UNC5C: variants seen among roughly 807,000 people sequenced by gnomAD.
UNC5C encodes unc-5 netrin receptor C, also known as netrin receptor UNC5C.
Under a neutral mutation model 99.8 loss-of-function variants are expected in UNC5C, and 47 were observed. The observed-to-expected ratio is 0.47, with a 90% CI of 0.37 to 0.60. The LOEUF (loss-of-function observed/expected upper bound fraction) is 0.60. Ranked by LOEUF, UNC5C falls within the 20% of genes least tolerant of loss-of-function variation. The probability of loss-of-function intolerance (pLI) is 0.00; values close to 1 mark genes in which losing one functional copy is unlikely to be tolerated. For synonymous variants in UNC5C, 487 were observed against 452.2 expected, an observed-to-expected ratio of 1.08 and a Z score of -0.98; for missense variants, 1,062 against 1,165.9, an observed-to-expected ratio of 0.91 and a Z score of 1.30.
chr4:95,308,838 T>G (rs1278831581), intron 2 of UNC5C, among the ~76,000 whole-genome samples: 1 of 150,844 alleles, frequency 6.6e-6, no homozygotes, highest in African/African-American at 2.4e-5. Flanking sequence ...AAACTAATAT[T>G]GTTAAAATGT....
chr4:95,307,664 CAAGAA>C (rs1489927510), intron 2 of UNC5C, among the ~76,000 whole-genome samples: 1 of 152,094 alleles, frequency 6.6e-6, no homozygotes, highest in East Asian at 1.9e-4. Flanking sequence ...GAGGACACTA[CAAGAA>C]AAGAAAAGTA....
chr4:95,177,104 C>T (rs1001472341), intron 14 of UNC5C, among the ~76,000 whole-genome samples: 36 of 152,294 alleles, frequency 2.4e-4, no homozygotes, highest in African/African-American at 3.8e-4. Flanking sequence ...CTTCGGCTCA[C>T]GCACGGTGCG....
At chr4:95,320,256 T>C (rs1167532501) in intron 2 of UNC5C, among the ~76,000 whole-genome samples, 1 of 151,854 alleles carries the variant, frequency 6.6e-6, no homozygotes, top group Non-Finnish European at 1.5e-5. Flanking sequence ...ACCTCGTCTC[T>C]ACTAAAAATA....
chr4:95,175,948 T>C lies in UNC5C; in HGVS notation c.2452-5616A>G, dbSNP rs539724785. ...CTTGGAGGCTTTGCTCATTTCTTTT[T>C]ATTCTTTTTTCTCTAAACTTCCTTC... On this transcript the variant is annotated intron_variant, in intron 14 of 15. Coordinates refer to ENST00000453304, the MANE Select transcript of UNC5C (RefSeq NM_003728.4). Among the ~76,000 whole-genome samples, 683 of 151,854 alleles carry C rather than the reference T, an allele frequency of 4.5e-3. 3 individuals are homozygous for C. Among genetic ancestry groups the C allele is most frequent in the Middle Eastern group, 6.8e-3 (2 of 294 alleles).
rs115519493 is a variant in UNC5C at position 95,262,523 on chromosome 4, G to C, written c.595-11856C>G. Among the ~76,000 whole-genome samples, 387 of 152,192 alleles carry C rather than the reference G, an allele frequency of 2.5e-3. 3 individuals carry two copies. Among genetic ancestry groups the C allele is most frequent in the African/African-American group, 8.9e-3 (369 of 41,550 alleles). The stretch of plus-strand genomic sequence containing the variant: ...TGAGCTACCTAGACAGGCGAGCAGG[G>C]ATGAAAACCTCATTTCTCCTATTAA... On this transcript the variant is annotated intron_variant, in intron 4 of 15. Coordinates refer to ENST00000453304, the MANE Select transcript of UNC5C (RefSeq NM_003728.4).
At chr4:95,437,644 A>T (rs1746831772) in intron 1 of UNC5C, among the ~76,000 whole-genome samples, 1 of 152,052 alleles carries the variant, frequency 6.6e-6, no homozygotes, top group Non-Finnish European at 1.5e-5. Context: ...TTTTGTAGGT[A>T]CCTACTACAA....
At chr4:95,202,415 A>G (rs553935227) in intron 12 of UNC5C, among the ~76,000 whole-genome samples, 2 of 152,356 alleles carry the variant, frequency 1.3e-5, no homozygotes, top group African/African-American at 4.8e-5. Context: ...TTATAGGAAG[A>G]ACGCAGCTGA....
chr4:95,201,149 G>A lies in UNC5C; in HGVS notation c.2136+1582C>T, dbSNP rs148939009. Among the ~76,000 whole-genome samples the A allele has an allele frequency of 2.5e-3, 380 of 152,228 alleles. 2 individuals are homozygous for A. Among genetic ancestry groups the A allele is most frequent in the African/African-American group, 8.6e-3 (357 of 41,528 alleles). ...TGGAACTGTGAGAAATAAGTTTGTT[G>A]TTTATGCCACCCAGTCCGTGGTACT... On this transcript the variant is annotated intron_variant, in intron 12 of 15. Coordinates refer to ENST00000453304, the MANE Select transcript of UNC5C (RefSeq NM_003728.4).
chr4:95,232,938 C>T (rs1175633654), intron 7 of UNC5C, among the ~76,000 whole-genome samples: 4 of 152,214 alleles, frequency 2.6e-5, no homozygotes, highest in South Asian at 2.1e-4. Flanking sequence ...CACAATTATG[C>T]TTTCCTATCA....
At chr4:95,196,763 A>T (rs574216238) in intron 12 of UNC5C, among the ~76,000 whole-genome samples, 11 of 23,722 alleles carry the variant, frequency 4.6e-4, no homozygotes, top group Admixed American at 9.4e-4. Context: ...TAATATATAT[A>T]TTATATTTAT....
intron 2 of UNC5C, among the ~76,000 whole-genome samples, chr4:95,310,857 C>T (rs555637603): frequency 4.6e-5 from 7 of 152,156 alleles, no homozygotes; most frequent in East Asian, 1.9e-4. Context: ...TATAGATCAA[C>T]GCACGGTTTT....
chr4:95,500,423 A>G (rs1001851733), intron 1 of UNC5C, among the ~76,000 whole-genome samples: 10 of 152,088 alleles, frequency 6.6e-5, no homozygotes, highest in African/African-American at 1.7e-4. Context: ...TCTAAAAAAA[A>G]CAAGCTAGTT....
At chr4:95,292,202 T>C (rs1448862047) in intron 3 of UNC5C, among the ~76,000 whole-genome samples, 2 of 111,654 alleles carry the variant, frequency 1.8e-5, no homozygotes, top group African/African-American at 6.6e-5. Context: ...TATACACATA[T>C]ATATACATAT....
chr4:95,352,658 C>T (rs866530249), intron 1 of UNC5C, among the ~76,000 whole-genome samples: 3 of 152,272 alleles, frequency 2.0e-5, no homozygotes, highest in African/African-American at 7.2e-5. Context: ...CCAATCCAGA[C>T]TACAAGATCG....
intron 1 of UNC5C, among the ~76,000 whole-genome samples, chr4:95,366,741 G>T (rs1194261484): frequency 6.6e-6 from 1 of 152,106 alleles, no homozygotes; most frequent in Non-Finnish European, 1.5e-5. Context: ...CCTAACTTTG[G>T]TTTTGTTTCT....
At chr4:95,238,305 C>A (rs1317953265) in intron 7 of UNC5C, among the ~76,000 whole-genome samples, 1 of 151,898 alleles carries the variant, frequency 6.6e-6, no homozygotes, top group South Asian at 2.1e-4. Context: ...AATTTCCTAC[C>A]CTTAAAATTT....
chr4:95,450,271 G>A (rs987011924), intron 1 of UNC5C, among the ~76,000 whole-genome samples: 1 of 152,218 alleles, frequency 6.6e-6, no homozygotes, highest in African/African-American at 2.4e-5. Flanking sequence ...GAGTGCAGTA[G>A]CACAATCATA....
intron 1 of UNC5C, among the ~76,000 whole-genome samples, chr4:95,481,338 C>T (rs576974212): frequency 1.3e-5 from 2 of 151,988 alleles, no homozygotes; most frequent in East Asian, 3.9e-4. Flanking sequence ...AACTACAAAC[C>T]ACTGCTCAAC....
intron 4 of UNC5C, among the ~76,000 whole-genome samples, chr4:95,274,324 C>T (rs1397516517): frequency 6.6e-5 from 10 of 152,058 alleles, no homozygotes; most frequent in Admixed American, 3.3e-4. Context: ...CCCTGTGACC[C>T]GGTGGCTAAA....
Sources: gnomAD v4.1 joint callset for allele counts (sites outside exome capture counted in the v4.1 genomes callset) on GRCh38, gnomAD v4.1.1 for gene constraint, MANE v1.5 for transcripts, NCBI Gene and HGNC (gene_info 2026-07-23, HGNC 2026-07-21) for gene names.